The following TSHZ2 variants were observed in gnomAD, a reference collection of about 807,000 sequenced individuals.
The protein encoded by TSHZ2 is teashirt homolog 2.
In TSHZ2, 21 loss-of-function variants were observed where a neutral mutation model predicts 74.4. The ratio of observed to expected loss-of-function variants is 0.28; its 90% CI spans 0.20 to 0.41. The LOEUF (loss-of-function observed/expected upper bound fraction) is 0.41. TSHZ2 is among the 10% of genes least tolerant of loss of function. The pLI is 1.00. For synonymous variants in TSHZ2, 540 were observed against 515.3 expected, an observed-to-expected ratio of 1.05 and a Z score of -0.65; for missense variants, 1,244 against 1,293.5, an observed-to-expected ratio of 0.96 and a Z score of 0.59.
intron 2 of TSHZ2, among the ~76,000 whole-genome samples, chr20:53,305,092 C>A (rs755030356): frequency 2.6e-5 from 4 of 151,326 alleles, no homozygotes; most frequent in South Asian, 2.1e-4. Context: ...CCCTCCACCA[C>A]GCCTGACTAA....
At chr20:53,090,162 G>A (rs969577309) in intron 1 of TSHZ2, among the ~76,000 whole-genome samples, 4 of 152,152 alleles carry the variant, frequency 2.6e-5, no homozygotes, top group African/African-American at 7.2e-5. Flanking sequence ...AAAGATGAAG[G>A]CCAGAGGACT....
chr20:53,169,853 G>A lies in TSHZ2; in HGVS notation c.41-83646G>A, dbSNP rs1016643839. Among the ~76,000 whole-genome samples, 4 of 152,090 alleles carry A rather than the reference G, an allele frequency of 2.6e-5. No homozygotes were observed. In the South Asian group the frequency reaches 6.2e-4, roughly 24 times the overall value. On this transcript the variant is annotated intron_variant, in intron 1 of 2. Transcript: ENST00000371497. ...TATATACATTGTATATTATACTTAT[G>A]TAAAGGTATTTATACACAGTTATGT...
rs5841941 is a variant in TSHZ2, at chr20:53,314,287, CAAAA to C, written c.*8+57727_*8+57730del. Among the ~76,000 whole-genome samples the C allele has an allele frequency of 9.9e-5, 13 of 131,746 alleles. 1 individual carries two copies. Among genetic ancestry groups the C allele is most frequent in the East Asian group, 2.3e-4 (1 of 4,440 alleles). The allele number at this position is 131,746 out of a possible 152,430, so 86.4% of individuals were successfully genotyped here. A position where few individuals can be genotyped will look rare whatever the true frequency, so the allele number is the denominator to read the frequency against. ...TGGGCAACAGAGCAAGACTCTGTCT[CAAAA>C]AAAAAAAAAAGAAAGAAAGAAATAT... On this transcript the variant is annotated intron_variant, in intron 2 of 2. Coordinates refer to ENST00000371497, the MANE Select transcript of TSHZ2 (RefSeq NM_173485.6).
In TSHZ2 at chr20:53,253,792, G is replaced by C. The variant is rs773829843; in HGVS notation, c.334G>C (p.Val112Leu). 1 of 1,614,170 alleles carries C rather than the reference G, an allele frequency of 6.2e-7. No homozygotes were observed. Among genetic ancestry groups the C allele is most frequent in the East Asian group, 2.2e-5 (1 of 44,888 alleles). ...DASDKKAHTH[V>L]RLPNEAHNCM... ...CTCAGACAAGAAAGCACACACTCAC[G>C]TCAGGCTTCCAAACGAAGCACACAA... is the stretch of plus-strand genomic sequence containing the variant. The change falls in exon 2 of 3, where the codon GTC (valine) becomes CTC (leucine). Residue 112 changes from valine (V) to leucine (L), a missense_variant. This residue lies in a region of TSHZ2 where 470 missense variants were observed against 456.5 expected (regional missense o/e 1.03). Coordinates refer to ENST00000371497, the MANE Select transcript of TSHZ2 (RefSeq NM_173485.6).
At position 53,255,706 on chromosome 20, in the gene TSHZ2, G is replaced by A. The variant is rs1600771519; in HGVS notation, c.2248G>A (p.Ala750Thr). 1.2e-6 allele frequency: 2 copies of A among 1,603,020 alleles called. No individual in the cohort carries two copies. The highest frequency in any genetic ancestry group is 1.7e-6 in the Non-Finnish European group (2 of 1,174,542). ...CTTGAGTCCTGCCTCCACAAGGTCA[G>A]CCAGCGTGTCCAGGCGCTACCTGTT... ...PVLSPASTRS[A>T]SVSRRYLFEN... The change falls in exon 2 of 3, where the codon GCC becomes ACC. Residue 750 changes from alanine (A) to threonine (T), a missense_variant. Ala to Thr is a moderately conservative substitution (Grantham distance 58). Coordinates refer to ENST00000371497, the MANE Select transcript of TSHZ2 (RefSeq NM_173485.6). This position sits in a 1 kb window ranked among gnomAD's most constrained non-coding sequence, Gnocchi z 4.1.
Position 53,253,723 on chromosome 20 carries a change from A to G in TSHZ2, c.265A>G (p.Ser89Gly). The G allele has an allele frequency of 6.2e-7, 1 of 1,614,218 alleles. No individual in the cohort carries two copies. Among genetic ancestry groups the G allele is most frequent in the Non-Finnish European group, 8.5e-7 (1 of 1,180,042 alleles). Reference protein sequence around the residue: ...AENESLLSDASDQVSDIKSVC... With the variant: ...AENESLLSDAGDQVSDIKSVC... ...GAACGAGTCTCTGCTGAGTGACGCCAGTGATCAGGTGTCGGACATCAAGAG... is the reference window on the plus strand; with the variant it reads ...GAACGAGTCTCTGCTGAGTGACGCCGGTGATCAGGTGTCGGACATCAAGAG... The change falls in exon 2 of 3, where the codon AGT (serine) becomes GGT (glycine). Residue 89 changes from serine (S) to glycine (G), a missense_variant. By Grantham distance (56) the Ser-to-Gly change is moderately conservative. Around this residue, in one of 6 missense-constraint regions of TSHZ2, gnomAD observed 470 missense variants for 456.5 expected, o/e 1.03. Transcript: ENST00000371497.
At chr20:53,006,871 AAAAAAT>A (rs143329281) in intron 1 of TSHZ2, among the ~76,000 whole-genome samples, 3,082 of 152,194 alleles carry the variant, frequency 0.02, 43 homozygotes, top group African/African-American at 0.039. Context: ...AAACATGAAT[AAAAAAT>A]AAAAATAGGA....
intron 2 of TSHZ2, among the ~76,000 whole-genome samples, chr20:53,380,795 G>A (rs1981828990): frequency 1.3e-5 from 2 of 152,148 alleles, no homozygotes; most frequent in Non-Finnish European, 2.9e-5. Flanking sequence ...TATTTTGTGA[G>A]GGTTCAAGAG....
chr20:53,435,806 C>T (rs1984034259), intron 2 of TSHZ2, among the ~76,000 whole-genome samples: 1 of 152,248 alleles, frequency 6.6e-6, no homozygotes, highest in African/African-American at 2.4e-5. Context: ...AGCCACCACA[C>T]CTGGCTGTAA....
intron 1 of TSHZ2, among the ~76,000 whole-genome samples, chr20:53,005,166 T>A (rs1982595129): frequency 1.3e-5 from 2 of 151,582 alleles, no homozygotes; most frequent in South Asian, 4.2e-4. Context: ...ACAAAAAAAA[T>A]TAGCCAGGTG....
chr20:53,000,799 AC>A (rs2122959416), intron 1 of TSHZ2, among the ~76,000 whole-genome samples: 1 of 152,220 alleles, frequency 6.6e-6, no homozygotes, highest in East Asian at 1.9e-4. Context: ...GTTTTTCAGG[AC>A]TTTTTGATCT....
rs1987568342 is a variant in TSHZ2 at position 53,147,403 on chromosome 20, T to C, written c.41-106096T>C. 2.0e-5 allele frequency among the ~76,000 whole-genome samples: 3 copies of C among 152,350 alleles called. No homozygotes were observed. The South Asian group carries it at 6.2e-4, about 32-fold the overall frequency. ...GTATGTTAACAGTTTTGTGCTATCA[T>C]CTACAAAAAAGGCATAGACACAAAA... On this transcript the variant is annotated intron_variant, in intron 1 of 2. Transcript: ENST00000371497.
intron 2 of TSHZ2, among the ~76,000 whole-genome samples, chr20:53,335,673 G>A (rs1979917337): frequency 1.3e-5 from 2 of 152,230 alleles, no homozygotes; most frequent in African/African-American, 4.8e-5. Context: ...GGAAGGGTGA[G>A]AAGGGTGTTG....
At chr20:53,479,447 G>C (rs1600671710) in intron 2 of TSHZ2, among the ~76,000 whole-genome samples, 1 of 152,186 alleles carries the variant, frequency 6.6e-6, no homozygotes, top group East Asian at 1.9e-4. Context: ...GAACATGTCA[G>C]TGGTAAACGC....
chr20:53,416,087 G>A (rs193261118), intron 2 of TSHZ2, among the ~76,000 whole-genome samples: 11 of 152,294 alleles, frequency 7.2e-5, no homozygotes, highest in Non-Finnish European at 1.2e-4. Context: ...TGGCACCCAC[G>A]TGAAGGGCAG....
At chr20:53,395,401 C>G (rs1982410701) in intron 2 of TSHZ2, among the ~76,000 whole-genome samples, 1 of 152,220 alleles carries the variant, frequency 6.6e-6, no homozygotes, top group Non-Finnish European at 1.5e-5. Context: ...CTGCATCAGT[C>G]TCTAAACTGA....
intron 1 of TSHZ2, among the ~76,000 whole-genome samples, chr20:53,207,858 CTTTT>C (rs58457116): frequency 1.1e-4 from 11 of 96,698 alleles, no homozygotes; most frequent in African/African-American, 3.0e-4. Flanking sequence ...CATTGTTTTA[CTTTT>C]TTTTTTTTTT....
At chr20:53,207,452 C>T (rs754032383) in intron 1 of TSHZ2, among the ~76,000 whole-genome samples, 3 of 152,068 alleles carry the variant, frequency 2.0e-5, no homozygotes, top group Admixed American at 6.6e-5. Flanking sequence ...AGCAATAAGG[C>T]CCCAGAAGCA....
chr20:52,995,473 C>T (rs1982148441), intron 1 of TSHZ2, among the ~76,000 whole-genome samples: 1 of 152,102 alleles, frequency 6.6e-6, no homozygotes, highest in South Asian at 2.1e-4. Context: ...ATCAAAGTGG[C>T]ATTACCAAAA....
Sources: gnomAD v4.1 joint callset for allele counts (sites outside exome capture counted in the v4.1 genomes callset) on GRCh38, gnomAD v4.1.1 for gene constraint, gnomAD v4.1.1 regional missense constraint, Gnocchi (gnomAD v3.1) non-coding constraint, MANE v1.5 for transcripts, NCBI Gene and HGNC (gene_info 2026-07-23, HGNC 2026-07-21) for gene names.